The following MTR variants were observed in gnomAD, a reference collection of about 807,000 sequenced individuals.
MTR encodes the protein 5-methyltetrahydrofolate-homocysteine methyltransferase.
MTR carries 84 observed loss-of-function variants against 154.8 expected under a neutral mutation model. That is an observed-to-expected ratio of 0.54 (90% CI 0.45 to 0.65). The LOEUF (loss-of-function observed/expected upper bound fraction) is 0.65, where lower values mean the gene tolerates loss of function less well. Ranked by LOEUF, MTR falls within the 30% of genes least tolerant of loss-of-function variation. The pLI is 0.00. For missense variants in MTR, 1,275 were observed against 1,570.2 expected (o/e 0.81, Z 3.18); for synonymous variants, 554 against 553.9 (o/e 1.00, Z 0.00).
In MTR at chr1:236,808,689, T is replaced by C; in HGVS notation, c.340-15T>C. ...GAAAAGAAGGACAAGCTAACGTTTG[T>C]GGTTGATACGTTAGGCCTACCGGAT... On this transcript the variant is annotated splice_polypyrimidine_tract_variant and intron_variant, in intron 3 of 32. Coordinates refer to ENST00000366577, the MANE Select transcript of MTR (RefSeq NM_000254.3). 1 of 1,613,300 alleles carries C rather than the reference T, an allele frequency of 6.2e-7. No homozygotes were observed. Among genetic ancestry groups the C allele is most frequent in the East Asian group, 2.2e-5 (1 of 44,882 alleles).
At chr1:236,841,058 C>G (rs994822868) in intron 15 of MTR, among the ~76,000 whole-genome samples, 1 of 152,104 alleles carries the variant, frequency 6.6e-6, no homozygotes, top group African/African-American at 2.4e-5. Flanking sequence ...AAGAAAAAAG[C>G]CTTCAGCCTT....
At chr1:236,884,158 T>C (rs548438897) in intron 25 of MTR, among the ~76,000 whole-genome samples, 5 of 152,330 alleles carry the variant, frequency 3.3e-5, no homozygotes, top group African/African-American at 1.2e-4. Context: ...AGAAAGTCAG[T>C]GGACTATGAA....
In MTR at chr1:236,889,348, A is replaced by G. The variant is rs369588133; in HGVS notation, c.3007+12A>G. The G allele has an allele frequency of 3.1e-6, 5 of 1,614,140 alleles. No individual in the cohort carries two copies. Among genetic ancestry groups the G allele is most frequent in the Non-Finnish European group, 4.2e-6 (5 of 1,179,994 alleles). Reference sequence around the variant, plus strand: ...CGACAAAACAGTAGGTTAGTGCAGTAAGTCCTTCCTTTCTGCCTCTGATAT... The same window carrying G: ...CGACAAAACAGTAGGTTAGTGCAGTGAGTCCTTCCTTTCTGCCTCTGATAT... On this transcript the variant is annotated intron_variant, in intron 28 of 32. Coordinates refer to ENST00000366577, the MANE Select transcript of MTR (RefSeq NM_000254.3).
At chr1:236,830,391 C>T (rs1662543497) in intron 12 of MTR, among the ~76,000 whole-genome samples, 1 of 151,968 alleles carries the variant, frequency 6.6e-6, no homozygotes, top group African/African-American at 2.4e-5. Flanking sequence ...AAAATTGAAA[C>T]AAGAGAGCCA....
chr1:236,812,337 A>G (rs1319198130), intron 5 of MTR, among the ~76,000 whole-genome samples: 1 of 152,360 alleles, frequency 6.6e-6, no homozygotes, highest in African/African-American at 2.4e-5. Context: ...AGTGACTTCT[A>G]CTCAACCTGT....
In MTR at chr1:236,808,879, G is replaced by A. The variant is rs922471293; in HGVS notation, c.409+106G>A. On this transcript the variant is annotated intron_variant, in intron 4 of 32. Transcript: ENST00000366577. ...TTTCCTTATGTGGCCTTTGGCTTAC[G>A]AGTAACACTGCAGAGACTGTATTTT... is the stretch of plus-strand genomic sequence containing the variant. 30 of 959,196 alleles carry A rather than the reference G, an allele frequency of 3.1e-5. No homozygotes were observed. The Admixed American group carries it at 4.7e-4, about 15-fold the overall frequency. 59.4% of individuals were successfully genotyped at this position (959,196 alleles called of 1,614,324 possible).
chr1:236,892,136 C>T (rs1470794187), intron 29 of MTR, among the ~76,000 whole-genome samples: 1 of 152,118 alleles, frequency 6.6e-6, no homozygotes, highest in Non-Finnish European at 1.5e-5. Context: ...TAATAATTTG[C>T]AGAAAATTAC....
At chr1:236,868,548 A>G (rs1244546377) in intron 22 of MTR, among the ~76,000 whole-genome samples, 2 of 152,190 alleles carry the variant, frequency 1.3e-5, no homozygotes, top group Non-Finnish European at 2.9e-5. Flanking sequence ...GATTAATTCC[A>G]TTGAGGTTAA....
intron 22 of MTR, among the ~76,000 whole-genome samples, chr1:236,873,494 A>G (rs1391874277): frequency 6.6e-6 from 1 of 152,184 alleles, no homozygotes; most frequent in Non-Finnish European, 1.5e-5. Flanking sequence ...CATACCAGAA[A>G]CCATTGAATT....
chr1:236,883,664 T>C (rs115338172), intron 25 of MTR, among the ~76,000 whole-genome samples: 13 of 152,156 alleles, frequency 8.5e-5, no homozygotes, highest in African/African-American at 3.1e-4. Flanking sequence ...GGGGAATACT[T>C]TGTGGTGTGA....
chr1:236,871,166 C>T (rs1312929859), intron 22 of MTR, among the ~76,000 whole-genome samples: 2 of 152,330 alleles, frequency 1.3e-5, no homozygotes, highest in Non-Finnish European at 2.9e-5. Context: ...TGGGTATAAT[C>T]TGGAAGCTTC....
intron 21 of MTR, 83 bp from the exon 22 acceptor site, chr1:236,863,371 G>T: frequency 1.9e-6 from 2 of 1,052,378 alleles, no homozygotes; most frequent in East Asian, 4.9e-5. Flanking sequence ...TGCTTTCTGT[G>T]CTGGCCCCTG....
rs1661601918 is a variant in MTR at position 236,816,528 on chromosome 1, A to AGAG, written c.749_750insGAG (p.His250delinsGlnSer). The AGAG allele has an allele frequency of 6.2e-7, 1 of 1,611,446 alleles. No homozygotes were observed. Among genetic ancestry groups the AGAG allele is most frequent in the East Asian group, 2.2e-5 (1 of 44,820 alleles). ...GAGGGATTTGTCATCAGCGTGTCTC[A>AGAG]TGGAGAACCACTCTGGTGAGTGATC... On this transcript the variant is annotated protein_altering_variant, in exon 8 of 33. Coordinates refer to ENST00000366577, the MANE Select transcript of MTR (RefSeq NM_000254.3).
intron 28 of MTR, among the ~76,000 whole-genome samples, chr1:236,889,555 G>A (rs1161374686): frequency 1.3e-5 from 2 of 152,170 alleles, no homozygotes. Context: ...TTCAATAAAT[G>A]TTTATTGACA....
intron 1 of MTR, among the ~76,000 whole-genome samples, chr1:236,800,819 G>T (rs1660662590): frequency 6.6e-6 from 1 of 152,224 alleles, no homozygotes; most frequent in Admixed American, 6.5e-5. Context: ...AAGAGGTCCA[G>T]TTCTTAACAC....
chr1:236,809,021 G>C (rs1349275300), intron 4 of MTR, among the ~76,000 whole-genome samples: 2 of 152,180 alleles, frequency 1.3e-5, no homozygotes, highest in African/African-American at 4.8e-5. Flanking sequence ...GGGTTAGCCT[G>C]ACTTTGTAGC....
chr1:236,804,832 G>A (rs1294620894), intron 2 of MTR, among the ~76,000 whole-genome samples: 1 of 151,720 alleles, frequency 6.6e-6, no homozygotes, highest in Non-Finnish European at 1.5e-5. Flanking sequence ...ATACGTGAGT[G>A]AATATATATA....
At chr1:236,840,651 CTG>C (rs1372707307) in intron 15 of MTR, among the ~76,000 whole-genome samples, 1 of 152,204 alleles carries the variant, frequency 6.6e-6, no homozygotes, top group Non-Finnish European at 1.5e-5. Context: ...ACCTGGTATT[CTG>C]TAACTCTTTT....
intron 19 of MTR, 80 bp from the exon 20 acceptor site, chr1:236,861,045 T>C (rs1026283134): frequency 1.5e-5 from 19 of 1,251,262 alleles, no homozygotes; most frequent in Non-Finnish European, 2.0e-5. Context: ...ATGATGGCTC[T>C]GTGGAGGTAA....
Sources: allele counts gnomAD v4.1 joint callset (sites outside exome capture counted in the v4.1 genomes callset), GRCh38; gene constraint gnomAD v4.1.1; transcripts MANE v1.5; gene names NCBI Gene and HGNC (gene_info 2026-07-23, HGNC 2026-07-21).